Variants in MBOAT1 observed in about 807,000 individuals in gnomAD.
The protein encoded by MBOAT1 is membrane bound glycerophospholipid O-acyltransferase 1, also known as membrane-bound glycerophospholipid O-acyltransferase 1.
A neutral mutation model predicts 64.4 loss-of-function variants in MBOAT1; 67 were observed. The ratio of observed to expected loss-of-function variants is 1.04; its 90% CI spans 0.85 to 1.27. The LOEUF (loss-of-function observed/expected upper bound fraction) is 1.27, where lower values mean the gene tolerates loss of function less well. MBOAT1 is among the 50% of genes most tolerant of loss of function. The pLI is 0.00. For missense variants in MBOAT1, 563 were observed against 604.6 expected (o/e 0.93, Z 0.72); for synonymous variants, 229 against 218.9 (o/e 1.05, Z -0.41).
Position 20,205,332 on chromosome 6 carries a change from C to A in MBOAT1, c.99+6804G>T, listed in dbSNP as rs116971125. On this transcript the variant is annotated intron_variant, in intron 1 of 12. Transcript: ENST00000324607. ...AATGTATGCAGAGCAGTGCTGAGAG[C>A]GTAAGCATTCAATGTATGGAGTTGT... Among the ~76,000 whole-genome samples the A allele has an allele frequency of 3.0e-3, 459 of 152,284 alleles. 9 individuals carry two copies. In the East Asian group the frequency reaches 0.066, roughly 22 times the overall value.
chr6:20,110,216 C>CTT (rs11337867), intron 11 of MBOAT1, among the ~76,000 whole-genome samples: 15 of 140,442 alleles, frequency 1.1e-4, no homozygotes, highest in Non-Finnish European at 1.5e-4. Context: ...GCCCAGGACT[C>CTT]TTTTTTTTTT....
At chr6:20,135,017 C>A (rs1760940850) in intron 4 of MBOAT1, among the ~76,000 whole-genome samples, 1 of 150,688 alleles carries the variant, frequency 6.6e-6, no homozygotes, top group African/African-American at 2.5e-5. Flanking sequence ...CTTGATGCAG[C>A]CCCAACAATT....
At chr6:20,133,026 A>C (rs1760878504) in intron 4 of MBOAT1, among the ~76,000 whole-genome samples, 1 of 152,270 alleles carries the variant, frequency 6.6e-6, no homozygotes, top group East Asian at 1.9e-4. Flanking sequence ...ATATGTAAAT[A>C]AGATAAACTA....
At chr6:20,200,349 T>G (rs996414781) in intron 1 of MBOAT1, among the ~76,000 whole-genome samples, 1 of 152,234 alleles carries the variant, frequency 6.6e-6, no homozygotes, top group African/African-American at 2.4e-5. Flanking sequence ...TTGTCATCTT[T>G]ACCTTCAAAA....
chr6:20,157,409 A>G (rs1298489228), intron 1 of MBOAT1, among the ~76,000 whole-genome samples: 1 of 152,270 alleles, frequency 6.6e-6, no homozygotes, highest in Non-Finnish European at 1.5e-5. Flanking sequence ...AAAAGGCAGC[A>G]TATAGAAAAT....
intron 11 of MBOAT1, among the ~76,000 whole-genome samples, chr6:20,110,118 C>T (rs182094274): frequency 5.9e-4 from 89 of 151,694 alleles, no homozygotes; most frequent in Non-Finnish European, 9.3e-4. Flanking sequence ...GCCATGTTGG[C>T]CAGGCTGGTC....
chr6:20,204,246 C>T (rs1432600880), intron 1 of MBOAT1, among the ~76,000 whole-genome samples: 1 of 151,928 alleles, frequency 6.6e-6, no homozygotes, highest in Non-Finnish European at 1.5e-5. Flanking sequence ...CCCAGAGATG[C>T]CGAGGCCCCG....
chr6:20,130,390 G>T (rs1760783394), intron 5 of MBOAT1, among the ~76,000 whole-genome samples: 1 of 152,082 alleles, frequency 6.6e-6, no homozygotes, highest in African/African-American at 2.4e-5. Context: ...GTCTCGCTCT[G>T]TCACCCAGGC....
intron 1 of MBOAT1, among the ~76,000 whole-genome samples, chr6:20,201,768 A>G (rs1386299070): frequency 6.6e-6 from 1 of 151,782 alleles, no homozygotes; most frequent in African/African-American, 2.4e-5. Flanking sequence ...TTTAGTAGAG[A>G]TGGGGGTTTC....
chr6:20,135,049 C>T (rs761807583), intron 4 of MBOAT1, among the ~76,000 whole-genome samples: 9 of 151,806 alleles, frequency 5.9e-5, no homozygotes, highest in African/African-American at 2.2e-4. Flanking sequence ...ATGAGGCCTC[C>T]GAACTTGAGC....
At chr6:20,211,306 C>T (rs1763410984) in intron 1 of MBOAT1, among the ~76,000 whole-genome samples, 1 of 152,132 alleles carries the variant, frequency 6.6e-6, no homozygotes, top group South Asian at 2.1e-4. Context: ...CGCAGTGGGT[C>T]CTCCCCCAGC....
intron 1 of MBOAT1, among the ~76,000 whole-genome samples, chr6:20,157,787 C>A (rs1761738245): frequency 6.6e-6 from 1 of 151,464 alleles, no homozygotes; most frequent in Non-Finnish European, 1.5e-5. Context: ...TTATAGACAG[C>A]AAAAGAAACA....
At chr6:20,205,492 G>A (rs1432087258) in intron 1 of MBOAT1, among the ~76,000 whole-genome samples, 1 of 152,094 alleles carries the variant, frequency 6.6e-6, no homozygotes, top group Admixed American at 6.5e-5. Flanking sequence ...GGCCATACCT[G>A]TGATCTCTCT....
At chr6:20,164,709 C>A (rs1999625) in intron 1 of MBOAT1, among the ~76,000 whole-genome samples, 54,721 of 152,034 alleles carry the variant, frequency 0.36, 10,329 homozygotes, top group East Asian at 0.64. Context: ...GCTTCAACTT[C>A]TAATGCCAAC....
Position 20,212,262 on chromosome 6 carries a change from T to C in MBOAT1, c.-28A>G, listed in dbSNP as rs115401963. On this transcript the variant is annotated 5_prime_UTR_variant, in exon 1 of 13. Transcript: ENST00000324607. Reference sequence around the variant, plus strand: ...TGCATCTTCGGGAGGTGGCTGCCCCTGTCCCAGCCCGCAACACCCCCTGCT... The same window carrying C: ...TGCATCTTCGGGAGGTGGCTGCCCCCGTCCCAGCCCGCAACACCCCCTGCT... 59 of 1,595,960 alleles carry C rather than the reference T, an allele frequency of 3.7e-5. No individual in the cohort carries two copies. The highest frequency in any genetic ancestry group is 4.8e-5 in the Non-Finnish European group (56 of 1,171,580).
At position 20,152,607 on chromosome 6, in the gene MBOAT1, A is replaced by G. The variant is rs1363086700; in HGVS notation, c.245+17T>C. ...ATCCAAATGACCAATATTAGAATAT[A>G]TGAGGCTCATACTCACCAGCCGAAA... On this transcript the variant is annotated intron_variant, in intron 2 of 12. Coordinates refer to ENST00000324607, the MANE Select transcript of MBOAT1 (RefSeq NM_001080480.3). 12 of 1,604,126 alleles carry G rather than the reference A, an allele frequency of 7.5e-6. No individual in the cohort carries two copies. Among genetic ancestry groups the G allele is most frequent in the Non-Finnish European group, 1.0e-5 (12 of 1,174,786 alleles).
intron 1 of MBOAT1, among the ~76,000 whole-genome samples, chr6:20,172,673 A>G (rs1172352854): frequency 6.6e-6 from 1 of 152,208 alleles, no homozygotes; most frequent in Admixed American, 6.5e-5. Context: ...AGAGGAATAC[A>G]ATGAAAAGGC....
intron 1 of MBOAT1, among the ~76,000 whole-genome samples, chr6:20,199,713 T>C (rs1295615025): frequency 6.6e-6 from 1 of 152,242 alleles, no homozygotes; most frequent in African/African-American, 2.4e-5. Context: ...CTCACGCCCA[T>C]AATCCCAGCA....
At chr6:20,134,812 A>G (rs572311455) in intron 4 of MBOAT1, among the ~76,000 whole-genome samples, 2 of 152,028 alleles carry the variant, frequency 1.3e-5, no homozygotes, top group South Asian at 4.1e-4. Flanking sequence ...CTGACTTAAG[A>G]TAAAACTTAA....
Sources: allele counts gnomAD v4.1 joint callset (sites outside exome capture counted in the v4.1 genomes callset), GRCh38; gene constraint gnomAD v4.1.1; transcripts MANE v1.5; gene names NCBI Gene and HGNC (gene_info 2026-07-23, HGNC 2026-07-21).